The following ACTR3C variants were observed in gnomAD, a reference collection of about 807,000 sequenced individuals.
The protein encoded by ACTR3C is actin-related protein 3C.
In ACTR3C, 18 loss-of-function variants were observed where a neutral mutation model predicts 26.3. The ratio of observed to expected loss-of-function variants is 0.68; its 90% CI spans 0.47 to 1.01. The LOEUF (loss-of-function observed/expected upper bound fraction) is 1.01. ACTR3C is among the 50% of genes least tolerant of loss of function. The pLI, the probability that ACTR3C is intolerant of heterozygous loss-of-function variation, is 0.00. For synonymous variants in ACTR3C, 55 were observed against 94.5 expected (o/e 0.58, Z 2.42); for missense variants, 184 against 250.7 (o/e 0.73, Z 1.80).
the ACTR3C span, among the ~76,000 whole-genome samples, chr7:150,130,676 A>C: frequency 6.6e-6 from 1 of 152,252 alleles, no homozygotes; most frequent in African/African-American, 2.4e-5. Context: ...AGAATTGCCT[A>C]TGCATGAGTG....
the ACTR3C span, among the ~76,000 whole-genome samples, chr7:150,204,156 C>T: frequency 4.0e-5 from 6 of 148,804 alleles, no homozygotes; most frequent in African/African-American, 7.7e-5. Flanking sequence ...CAGAGCCATT[C>T]GGTGTCACAG....
In ACTR3C at chr7:150,272,240, G is replaced by A. The variant is rs1223191248; in HGVS notation, c.564+12513C>T. Among the ~76,000 whole-genome samples the A allele has an allele frequency of 6.4e-5, 9 of 139,934 alleles. No individual in the cohort carries two copies. In the South Asian group the frequency reaches 1.5e-3, roughly 23 times the overall value. The allele number at this position is 139,934 out of a possible 152,430, so 91.8% of individuals were successfully genotyped here. On this transcript the variant is annotated intron_variant, in intron 6 of 7. Coordinates refer to ENST00000683684, the MANE Select transcript of ACTR3C (RefSeq NM_001164458.2). ...CTAAAATGTATTCAGCAGGAGTCTT[G>A]ATGGGAGATTAAACACAAGGAGACG...
the ACTR3C span, among the ~76,000 whole-genome samples, chr7:149,893,963 CCAAA>C: frequency 3.3e-5 from 5 of 152,076 alleles, no homozygotes; most frequent in African/African-American, 7.2e-5. Context: ...ACAAGAGACC[CCAAA>C]CAGTCAAGGG....
the ACTR3C span, among the ~76,000 whole-genome samples, chr7:149,952,476 A>G: frequency 6.8e-6 from 1 of 147,240 alleles, no homozygotes; most frequent in Non-Finnish European, 1.5e-5. Flanking sequence ...AAATTTGGCT[A>G]AATAAAACGG....
the ACTR3C span, among the ~76,000 whole-genome samples, chr7:149,989,844 T>A: frequency 1.3e-5 from 2 of 152,218 alleles, no homozygotes; most frequent in African/African-American, 4.8e-5. Context: ...GGATTTTTTT[T>A]AAGGAACCTC....
chr7:150,006,377 T>G, the ACTR3C span, among the ~76,000 whole-genome samples: 12 of 148,888 alleles, frequency 8.1e-5, no homozygotes, highest in African/African-American at 3.0e-4. Context: ...TTTTGTATTT[T>G]TAGTAGAGAC....
At chr7:150,123,728 A>G in the ACTR3C span, among the ~76,000 whole-genome samples, 1 of 152,102 alleles carries the variant, frequency 6.6e-6, no homozygotes, top group Non-Finnish European at 1.5e-5. Flanking sequence ...AAACATGGAG[A>G]TTTCTGTATT....
chr7:150,005,805 C>T, the ACTR3C span, among the ~76,000 whole-genome samples: 1 of 152,230 alleles, frequency 6.6e-6, no homozygotes, highest in Non-Finnish European at 1.5e-5. Context: ...ACACAGCAGG[C>T]TCTCTGCTGC....
intron 1 of ACTR3C, among the ~76,000 whole-genome samples, chr7:150,296,477 G>A (rs1305749316): frequency 2.0e-5 from 3 of 151,932 alleles, no homozygotes; most frequent in Non-Finnish European, 4.4e-5. Flanking sequence ...TCAAACAGGA[G>A]GAAATGACAG....
chr7:150,254,190 C>T (rs1461325063), intron 6 of ACTR3C, among the ~76,000 whole-genome samples: 4 of 152,000 alleles, frequency 2.6e-5, no homozygotes, highest in Admixed American at 2.0e-4. Flanking sequence ...TTAGAGATAC[C>T]CCATATTGAT....
At chr7:149,958,089 T>C in the ACTR3C span, among the ~76,000 whole-genome samples, 5 of 152,092 alleles carry the variant, frequency 3.3e-5, no homozygotes, top group East Asian at 1.9e-4. Flanking sequence ...TAGGTTCACA[T>C]TGATGGTTGT....
the ACTR3C span, among the ~76,000 whole-genome samples, chr7:150,086,571 C>T: frequency 6.6e-6 from 1 of 152,042 alleles, no homozygotes; most frequent in African/African-American, 2.4e-5. Context: ...CAAAAGGACC[C>T]TATTGGAATT....
At chr7:150,178,052 A>T in the ACTR3C span, among the ~76,000 whole-genome samples, 16 of 150,718 alleles carry the variant, frequency 1.1e-4, no homozygotes, top group Admixed American at 6.6e-5. Flanking sequence ...TATAACATTT[A>T]CAAAAACACA....
the ACTR3C span, chr7:150,047,656 G>A: frequency 2.9e-6 from 3 of 1,029,784 alleles, no homozygotes; most frequent in Admixed American, 1.3e-4. Flanking sequence ...AACCGGGGCC[G>A]GCCATCCGCG....
At chr7:150,237,808 A>C in the ACTR3C span, among the ~76,000 whole-genome samples, 1 of 151,288 alleles carries the variant, frequency 6.6e-6, no homozygotes, top group Non-Finnish European at 1.5e-5. Flanking sequence ...TTCATACCCT[A>C]GAAGTCACCC....
chr7:150,206,476 C>T, the ACTR3C span, among the ~76,000 whole-genome samples: 4 of 152,038 alleles, frequency 2.6e-5, no homozygotes, highest in Non-Finnish European at 2.9e-5. Flanking sequence ...TGAAATGGCA[C>T]GATTTTGGCT....
At chr7:150,119,332 T>G in the ACTR3C span, among the ~76,000 whole-genome samples, 5 of 152,168 alleles carry the variant, frequency 3.3e-5, no homozygotes, top group African/African-American at 1.2e-4. Flanking sequence ...TATGCTGTAT[T>G]CAGGAGACCC....
chr7:150,037,760 G>GCA, the ACTR3C span, among the ~76,000 whole-genome samples: 24 of 47,750 alleles, frequency 5.0e-4, no homozygotes, highest in African/African-American at 1.1e-3. Flanking sequence ...CCACCCTCGC[G>GCA]GGGGGTGCCT....
At chr7:150,166,475 G>T in the ACTR3C span, among the ~76,000 whole-genome samples, 2 of 150,932 alleles carry the variant, frequency 1.3e-5, no homozygotes, top group African/African-American at 5.0e-5. Context: ...GAGGAGGGTA[G>T]ATCACTTGAG....
Sources: allele counts gnomAD v4.1 joint callset (sites outside exome capture counted in the v4.1 genomes callset), GRCh38; gene constraint gnomAD v4.1.1; transcripts MANE v1.5; gene names NCBI Gene and HGNC (gene_info 2026-07-23, HGNC 2026-07-21).